The following ATRN variants were observed in gnomAD, a reference collection of about 807,000 sequenced individuals.
The protein encoded by ATRN is attractin, also known as attractin-2.
ATRN carries 54 observed loss-of-function variants against 178.7 expected under a neutral mutation model. The observed-to-expected ratio is 0.30, with a 90% CI of 0.24 to 0.38. The LOEUF (loss-of-function observed/expected upper bound fraction) is 0.38, where lower values mean the gene tolerates loss of function less well. ATRN is among the 10% of genes least tolerant of loss of function. The pLI, the probability that ATRN is intolerant of heterozygous loss-of-function variation, is 1.00. For missense variants in ATRN, 1,443 were observed against 1,815.1 expected, an observed-to-expected ratio of 0.79 and a Z score of 3.73; for synonymous variants, 636 against 663.0, an observed-to-expected ratio of 0.96 and a Z score of 0.63.
intron 1 of ATRN, among the ~76,000 whole-genome samples, chr20:3,500,632 A>G (rs1321870438): frequency 4.8e-5 from 7 of 146,576 alleles, no homozygotes; most frequent in Non-Finnish European, 8.9e-5. Flanking sequence ...TGGGAATTGA[A>G]CAGTGAGAAC....
intron 1 of ATRN, chr20:3,490,255 C>T: frequency 7.0e-7 from 1 of 1,422,086 alleles, no homozygotes; most frequent in Non-Finnish European, 9.9e-7. Flanking sequence ...CCAGAGAGGC[C>T]AACTCCTCCC....
At chr20:3,529,845 T>C (rs867458349) in intron 1 of ATRN, among the ~76,000 whole-genome samples, 1 of 152,192 alleles carries the variant, frequency 6.6e-6, no homozygotes, top group Non-Finnish European at 1.5e-5. Context: ...ATCAAATTGG[T>C]ATAGCAGTCA....
intron 1 of ATRN, among the ~76,000 whole-genome samples, chr20:3,511,056 G>A (rs1214574308): frequency 1.3e-5 from 2 of 152,176 alleles, no homozygotes; most frequent in Non-Finnish European, 2.9e-5. Context: ...AATGTTTTGA[G>A]TGGAATGGCG....
intron 25 of ATRN, among the ~76,000 whole-genome samples, chr20:3,626,781 CT>C (rs33999405): frequency 0.21 from 24,280 of 117,720 alleles, 2,368 homozygotes; most frequent in East Asian, 0.69. Context: ...TGAATTATTT[CT>C]TTTTTTTTTT....
intron 1 of ATRN, among the ~76,000 whole-genome samples, chr20:3,527,923 G>T (rs1475650855): frequency 1.3e-5 from 2 of 151,040 alleles, no homozygotes; most frequent in South Asian, 4.2e-4. Flanking sequence ...TGTTGGGAGG[G>T]TGGGGGGCTA....
intron 1 of ATRN, among the ~76,000 whole-genome samples, chr20:3,526,270 A>G (rs2085363393): frequency 6.6e-6 from 1 of 152,180 alleles, no homozygotes; most frequent in African/African-American, 2.4e-5. Context: ...ACTGTGCAAA[A>G]ATTACAAGCA....
chr20:3,583,603 T>C (rs950005668), intron 16 of ATRN, among the ~76,000 whole-genome samples: 1 of 152,122 alleles, frequency 6.6e-6, no homozygotes, highest in African/African-American at 2.4e-5. Flanking sequence ...GGTCAAGATA[T>C]CAAGACCATC....
chr20:3,535,310 G>A lies in ATRN; in HGVS notation c.468G>A (p.Thr156=), dbSNP rs375750291. 2.8e-5 allele frequency: 43 copies of A among 1,549,340 alleles called. No homozygotes were observed. Among genetic ancestry groups the A allele is most frequent in the Middle Eastern group, 1.7e-4 (1 of 5,882 alleles). ...GACCTGGAAATTATAAATACAAAACGAAGTGCACGTGGCTCATTGAAGGAC... is the reference window on the plus strand; with the variant it reads ...GACCTGGAAATTATAAATACAAAACAAAGTGCACGTGGCTCATTGAAGGAC... ...TDGPGNYKYK[T]KCTWLIEGQP... is the part of the protein sequence containing the mutation. The change falls in exon 2 of 29, where the codon ACG becomes ACA. Residue 156 remains threonine (T), a synonymous_variant. Transcript: ENST00000262919.
At chr20:3,522,679 C>T (rs2085311919) in intron 1 of ATRN, among the ~76,000 whole-genome samples, 1 of 152,202 alleles carries the variant, frequency 6.6e-6, no homozygotes. Context: ...CAGCTGACAT[C>T]TGGTGGATAC....
chr20:3,577,959 T>G (rs2086234032), intron 14 of ATRN, among the ~76,000 whole-genome samples: 3 of 152,208 alleles, frequency 2.0e-5, no homozygotes, highest in Non-Finnish European at 4.4e-5. Context: ...TTCATTGTCT[T>G]CCAGGAAGCA....
intron 25 of ATRN, 73 bp from the exon 26 acceptor site, chr20:3,634,238 C>G: frequency 7.0e-7 from 1 of 1,430,530 alleles, no homozygotes; most frequent in Non-Finnish European, 9.8e-7. Context: ...CACTGCCTGG[C>G]CTGAGGTGTG....
chr20:3,600,807 T>G (rs1469577067), intron 22 of ATRN, 139 bp from the exon 23 acceptor site: 1 of 797,534 alleles, frequency 1.3e-6, no homozygotes, highest in East Asian at 2.8e-5. Flanking sequence ...GAAATTTTGC[T>G]AACTCTTCTG....
At chr20:3,492,734 T>C (rs1348231509) in intron 1 of ATRN, among the ~76,000 whole-genome samples, 1 of 151,598 alleles carries the variant, frequency 6.6e-6, no homozygotes, top group African/African-American at 2.4e-5. Flanking sequence ...TGTAGTTGAA[T>C]GGGAAGAGAT....
intron 11 of ATRN, among the ~76,000 whole-genome samples, chr20:3,569,271 A>G (rs2086081885): frequency 6.6e-6 from 1 of 152,292 alleles, no homozygotes. Context: ...GTACTTACAT[A>G]AACTTAGGCT....
At chr20:3,571,165 G>A (rs1028311744) in intron 11 of ATRN, among the ~76,000 whole-genome samples, 2 of 152,106 alleles carry the variant, frequency 1.3e-5, no homozygotes, top group African/African-American at 4.8e-5. Context: ...ATCCCCAATT[G>A]ATGGACATTT....
chr20:3,573,655 G>T (rs237628), intron 12 of ATRN, among the ~76,000 whole-genome samples: 130,624 of 152,256 alleles, frequency 0.86, 56,442 homozygotes, highest in East Asian at 1. Flanking sequence ...AGCTGTTTCC[G>T]TCCTTCTGCC....
chr20:3,617,327 C>T (rs2086857982), intron 24 of ATRN, among the ~76,000 whole-genome samples: 1 of 152,100 alleles, frequency 6.6e-6, no homozygotes, highest in South Asian at 2.1e-4. Flanking sequence ...TTCAGTGCTC[C>T]TGTCAATATT....
At chr20:3,512,590 C>T (rs2085150603) in intron 1 of ATRN, among the ~76,000 whole-genome samples, 1 of 152,106 alleles carries the variant, frequency 6.6e-6, no homozygotes, top group African/African-American at 2.4e-5. Context: ...GTCTTTGTAG[C>T]AGCATGATTT....
intron 1 of ATRN, among the ~76,000 whole-genome samples, chr20:3,474,097 C>T (rs2084475819): frequency 1.3e-5 from 2 of 152,116 alleles, no homozygotes; most frequent in South Asian, 2.1e-4. Context: ...TTGGAGTCAT[C>T]GACCTATGAG....
Sources: gnomAD v4.1 joint callset for allele counts (sites outside exome capture counted in the v4.1 genomes callset) on GRCh38, gnomAD v4.1.1 for gene constraint, MANE v1.5 for transcripts, NCBI Gene and HGNC (gene_info 2026-07-23, HGNC 2026-07-21) for gene names.